The following SERGEF variants were observed in gnomAD, a reference collection of about 807,000 sequenced individuals.
SERGEF encodes secretion regulating guanine nucleotide exchange factor.
A neutral mutation model predicts 50.0 loss-of-function variants in SERGEF; 51 were observed. The ratio of observed to expected loss-of-function variants is 1.02; its 90% CI spans 0.81 to 1.29. The LOEUF is 1.29. Among genes scored for constraint, SERGEF ranks in the 50% most tolerant of loss-of-function variants. The pLI is 0.00. For missense variants in SERGEF, 521 were observed against 557.0 expected (o/e 0.94, Z 0.65); for synonymous variants, 205 against 212.4 (o/e 0.97, Z 0.30).
At chr11:17,823,591 G>A (rs1285566270) in intron 10 of SERGEF, among the ~76,000 whole-genome samples, 2 of 152,284 alleles carry the variant, frequency 1.3e-5, no homozygotes, top group South Asian at 2.1e-4. Flanking sequence ...GCAAACGGGG[G>A]AAGAGAAGGC....
At chr11:17,823,566 G>A (rs1224523965) in intron 10 of SERGEF, among the ~76,000 whole-genome samples, 2 of 152,148 alleles carry the variant, frequency 1.3e-5, no homozygotes, top group African/African-American at 2.4e-5. Context: ...GAACAGGGCT[G>A]GGGGCAAGGT....
At chr11:18,012,580 C>T in intron 1 of SERGEF, 2 of 1,177,338 alleles carry the variant, frequency 1.7e-6, no homozygotes, top group South Asian at 3.3e-5. Context: ...ACAGGTGGCC[C>T]CACGGAGCTC....
At chr11:17,885,142 ATC>A (rs1364146104) in intron 9 of SERGEF, among the ~76,000 whole-genome samples, 1 of 152,004 alleles carries the variant, frequency 6.6e-6, no homozygotes, top group African/African-American at 2.4e-5. Flanking sequence ...TCTTTTCCTT[ATC>A]TCTCTCCCAC....
chr11:17,963,229 A>C (rs1171829343), intron 8 of SERGEF, among the ~76,000 whole-genome samples: 6 of 149,426 alleles, frequency 4.0e-5, no homozygotes, highest in African/African-American at 7.3e-5. Flanking sequence ...GAGAGTGAAT[A>C]AGGGTCACAA....
At chr11:17,841,915 C>T (rs1262811392) in intron 10 of SERGEF, among the ~76,000 whole-genome samples, 1 of 152,204 alleles carries the variant, frequency 6.6e-6, no homozygotes, top group East Asian at 1.9e-4. Flanking sequence ...AATTATAACT[C>T]CTAGTGATCC....
At chr11:17,979,710 C>CT (rs1363739816) in intron 8 of SERGEF, among the ~76,000 whole-genome samples, 2 of 152,302 alleles carry the variant, frequency 1.3e-5, no homozygotes, top group African/African-American at 4.8e-5. Context: ...TGCAGCCTTC[C>CT]TTTACAGTGT....
intron 8 of SERGEF, among the ~76,000 whole-genome samples, chr11:17,976,358 T>C (rs1853371820): frequency 6.6e-6 from 1 of 151,958 alleles, no homozygotes; most frequent in Non-Finnish European, 1.5e-5. Context: ...TGATCTTGGC[T>C]CTCTGCAACC....
chr11:17,788,482 G>A (rs1477715096), intron 10 of SERGEF, 69 bp from the exon 11 acceptor site: 7 of 1,335,494 alleles, frequency 5.2e-6, no homozygotes, highest in Non-Finnish European at 7.2e-6. Flanking sequence ...TCACCCTGAG[G>A]GTACAGGTAT....
In SERGEF at chr11:17,976,122, C is replaced by T. The variant is rs1390386294; in HGVS notation, c.844+12475G>A. ...CAGCCAACAAATAGCCAAATCAGAA[C>T]TTACACCTAGCTCTTCAGGGTTCTT... On this transcript the variant is annotated intron_variant, in intron 8 of 10. Transcript: ENST00000265965. Among the ~76,000 whole-genome samples the T allele has an allele frequency of 2.6e-5, 4 of 152,136 alleles. No individual in the cohort carries two copies. The East Asian group carries it at 7.7e-4, about 29-fold the overall frequency.
intron 10 of SERGEF, among the ~76,000 whole-genome samples, chr11:17,869,045 T>C (rs1851085064): frequency 6.6e-6 from 1 of 152,132 alleles, no homozygotes; most frequent in Non-Finnish European, 1.5e-5. Flanking sequence ...TGCCTTGACT[T>C]CCCAAAGTGC....
chr11:17,852,531 G>T (rs1850732982), intron 10 of SERGEF, among the ~76,000 whole-genome samples: 1 of 152,106 alleles, frequency 6.6e-6, no homozygotes, highest in South Asian at 2.1e-4. Context: ...CAGGTAGGTG[G>T]AATTATTTAT....
At chr11:17,793,061 T>C (rs1307611061) in intron 10 of SERGEF, among the ~76,000 whole-genome samples, 1 of 152,198 alleles carries the variant, frequency 6.6e-6, no homozygotes, top group African/African-American at 2.4e-5. Context: ...AACTGTGTGA[T>C]AATGGTACGT....
rs995973144 is a variant in SERGEF at position 17,998,401 on chromosome 11, G to T, written c.508+2096C>A. 2.3e-4 allele frequency among the ~76,000 whole-genome samples: 33 copies of T among 142,936 alleles called. 1 individual carries two copies. Among genetic ancestry groups the T allele is most frequent in the Non-Finnish European group, 7.5e-5 (5 of 66,628 alleles). The allele number at this position is 142,936 out of a possible 152,430, so 93.8% of individuals were successfully genotyped here. On this transcript the variant is annotated intron_variant, in intron 5 of 10. Coordinates refer to ENST00000265965, the MANE Select transcript of SERGEF (RefSeq NM_012139.4). ...CACTGTACCCCAGCCTGGACAACAGGGGGGGACCCTATCTTAAAAATACAT... is the reference window on the plus strand; with the variant it reads ...CACTGTACCCCAGCCTGGACAACAGTGGGGGACCCTATCTTAAAAATACAT...
intron 9 of SERGEF, among the ~76,000 whole-genome samples, chr11:17,911,239 G>A (rs1320820574): frequency 6.6e-6 from 1 of 150,688 alleles, no homozygotes; most frequent in African/African-American, 2.4e-5. Flanking sequence ...GAGGAAAGGT[G>A]AGTAACTTGT....
intron 10 of SERGEF, among the ~76,000 whole-genome samples, chr11:17,837,893 G>A (rs530583497): frequency 1.2e-4 from 18 of 152,050 alleles, no homozygotes; most frequent in African/African-American, 3.6e-4. Context: ...TCTTGAACTC[G>A]TGACCTTGTG....
intron 7 of SERGEF, 96 bp from the exon 8 acceptor site, chr11:17,988,851 G>A: frequency 7.9e-7 from 1 of 1,266,884 alleles, no homozygotes; most frequent in South Asian, 1.5e-5. Flanking sequence ...GTTAAAAGAA[G>A]TTGTTTTATA....
chr11:18,008,223 A>T (rs1248884401), intron 1 of SERGEF, 147 bp from the exon 2 acceptor site: 14 of 713,762 alleles, frequency 2.0e-5, no homozygotes, highest in African/African-American at 1.1e-4. Context: ...TTAAAAAAAA[A>T]TTTTTAGCTC....
intron 9 of SERGEF, among the ~76,000 whole-genome samples, chr11:17,945,328 T>C (rs1010731621): frequency 1.3e-5 from 2 of 152,258 alleles, no homozygotes; most frequent in Non-Finnish European, 1.5e-5. Context: ...GAAGCCTTGG[T>C]TGGAACATAG....
At chr11:17,806,038 A>G (rs1283876865) in intron 10 of SERGEF, among the ~76,000 whole-genome samples, 1 of 152,194 alleles carries the variant, frequency 6.6e-6, no homozygotes, top group Non-Finnish European at 1.5e-5. Flanking sequence ...TGAAACCTGA[A>G]TGAGCAAGTC....
Sources: allele counts gnomAD v4.1 joint callset (sites outside exome capture counted in the v4.1 genomes callset), GRCh38; gene constraint gnomAD v4.1.1; transcripts MANE v1.5; gene names NCBI Gene and HGNC (gene_info 2026-07-23, HGNC 2026-07-21).